The following MED12L variants were observed in gnomAD, a reference collection of about 807,000 sequenced individuals.
MED12L encodes mediator of RNA polymerase II transcription subunit 12-like protein.
Under a neutral mutation model 281.3 loss-of-function variants are expected in MED12L, and 60 were observed. The observed-to-expected ratio is 0.21, with a 90% CI of 0.17 to 0.26. The LOEUF is 0.26. Ranked by LOEUF, MED12L falls within the 10% of genes least tolerant of loss-of-function variation. The pLI is 1.00. For missense variants in MED12L, 2,146 were observed against 2,680.9 expected (o/e 0.80, Z 4.41); for synonymous variants, 974 against 987.2 (o/e 0.99, Z 0.25).
chr3:151,125,339 A>G (rs965807336), intron 4 of MED12L, among the ~76,000 whole-genome samples: 3 of 152,276 alleles, frequency 2.0e-5, no homozygotes, highest in Admixed American at 6.5e-5. Flanking sequence ...GCCAGTTCTC[A>G]TGGGGTTCTG....
chr3:151,188,555 A>G, intron 13 of MED12L, 75 bp downstream of exon 13: 1 of 1,390,722 alleles, frequency 7.2e-7, no homozygotes, highest in Non-Finnish European at 9.8e-7. Context: ...CTTTTTTAAA[A>G]ATTTAGATCT....
At chr3:151,161,216 A>T (rs1719942374) in intron 8 of MED12L, among the ~76,000 whole-genome samples, 1 of 152,168 alleles carries the variant, frequency 6.6e-6, no homozygotes, top group Admixed American at 6.5e-5. Flanking sequence ...ATCAGTTTGG[A>T]AGCATTTCAG....
At chr3:151,128,641 A>G (rs1714902843) in intron 5 of MED12L, among the ~76,000 whole-genome samples, 1 of 152,024 alleles carries the variant, frequency 6.6e-6, no homozygotes, top group South Asian at 2.1e-4. Context: ...CTGTCTCTTC[A>G]TTGCAGCTTT....
Position 151,385,713 on chromosome 3 carries a change from TGG to T in MED12L, c.5088+529_5088+530del, listed in dbSNP as rs76491731. 9.4e-3 allele frequency among the ~76,000 whole-genome samples: 1,118 copies of T among 119,048 alleles called. 12 individuals are homozygous for T. The highest frequency in any genetic ancestry group is 0.024 in the African/African-American group (881 of 36,188). The allele number at this position is 119,048 out of a possible 152,430, so 78.1% of individuals were successfully genotyped here. A position where few individuals can be genotyped will look rare whatever the true frequency, so the allele number is the denominator to read the frequency against. Reference sequence around the variant, plus strand: ...GGGCAACAAAGTGAGACCCTGTCTCTGGGGGGGGAAAAAAAAAAAAAAACCTT... The same window carrying T: ...GGGCAACAAAGTGAGACCCTGTCTCTGGGGGGAAAAAAAAAAAAAAACCTT... On this transcript the variant is annotated intron_variant, in intron 36 of 44. Transcript: ENST00000687756.
At chr3:151,147,003 T>G (rs1717843917) in intron 5 of MED12L, among the ~76,000 whole-genome samples, 1 of 152,232 alleles carries the variant, frequency 6.6e-6, no homozygotes, top group African/African-American at 2.4e-5. Context: ...ATTCCCCATG[T>G]GAACAGTGGC....
intron 16 of MED12L, among the ~76,000 whole-genome samples, chr3:151,236,233 A>T (rs1732764075): frequency 6.6e-6 from 1 of 152,194 alleles, no homozygotes; most frequent in South Asian, 2.1e-4. Context: ...CAAATTAAGG[A>T]TTTCCTTAAC....
chr3:151,113,282 TAGAGA>T (rs1413458410), intron 2 of MED12L, among the ~76,000 whole-genome samples: 1 of 152,084 alleles, frequency 6.6e-6, no homozygotes, highest in Non-Finnish European at 1.5e-5. Context: ...AATCCCTGAT[TAGAGA>T]ATGCTGGGCT....
At position 151,338,173 on chromosome 3, in the gene MED12L, C is replaced by A. The variant is rs767970539; in HGVS notation, c.2251-11886C>A. On this transcript the variant is annotated intron_variant, in intron 16 of 44. Coordinates refer to ENST00000687756, the MANE Select transcript of MED12L (RefSeq NM_001393769.1). ...TTTTTCCTGGGGACTTTACCTACACCCCTCGTTCTTACGTATGACCGGTAC... is the reference window on the plus strand; with the variant it reads ...TTTTTCCTGGGGACTTTACCTACACACCTCGTTCTTACGTATGACCGGTAC... 5 of 1,613,790 alleles carry A rather than the reference C, an allele frequency of 3.1e-6. No individual in the cohort carries two copies. The Admixed American group carries it at 8.3e-5, about 27-fold the overall frequency.
chr3:151,368,636 TTTCATTTC>T (rs1755658326), intron 25 of MED12L, among the ~76,000 whole-genome samples: 16 of 63,070 alleles, frequency 2.5e-4, no homozygotes, highest in African/African-American at 9.2e-4. Context: ...TTTTATTTCA[TTTCATTTC>T]ATTTCATTTC....
At chr3:151,193,687 A>G in intron 16 of MED12L, 21 bp downstream of exon 16, 2 of 1,572,830 alleles carry the variant, frequency 1.3e-6, no homozygotes, top group Non-Finnish European at 1.7e-6. Context: ...GCTTCAGTTA[A>G]TCTATACCCT....
At chr3:151,355,002 A>C in intron 17 of MED12L, 119 bp from the exon 18 acceptor site, 1 of 734,832 alleles carries the variant, frequency 1.4e-6, no homozygotes, top group South Asian at 1.6e-5. Context: ...TTTTATTGAA[A>C]TTCATAGAAT....
chr3:151,112,499 T>C (rs965940013), intron 2 of MED12L, among the ~76,000 whole-genome samples: 1 of 152,138 alleles, frequency 6.6e-6, no homozygotes, highest in African/African-American at 2.4e-5. Context: ...TCTGCCTTTC[T>C]AACAGGCTTG....
At chr3:151,394,361 C>A (rs1714678915) in intron 38 of MED12L, among the ~76,000 whole-genome samples, 1 of 152,192 alleles carries the variant, frequency 6.6e-6, no homozygotes, top group African/African-American at 2.4e-5. Flanking sequence ...TAATTTAAAA[C>A]CCATGTAATT....
chr3:151,330,414 CTG>C (rs1267162698), intron 16 of MED12L, among the ~76,000 whole-genome samples: 2 of 152,130 alleles, frequency 1.3e-5, no homozygotes, highest in African/African-American at 4.8e-5. Flanking sequence ...GGGCCAATAT[CTG>C]TGCATTTTTT....
intron 13 of MED12L, among the ~76,000 whole-genome samples, chr3:151,188,819 C>G (rs1391317541): frequency 6.6e-6 from 1 of 152,170 alleles, no homozygotes; most frequent in Non-Finnish European, 1.5e-5. Context: ...AGTTCCTGCT[C>G]TTAAACATGG....
At chr3:151,169,425 T>G (rs906138612) in intron 11 of MED12L, among the ~76,000 whole-genome samples, 1 of 152,110 alleles carries the variant, frequency 6.6e-6, no homozygotes, top group African/African-American at 2.4e-5. Context: ...CCAGCCCTGT[T>G]TTCTTGACTG....
chr3:151,111,425 A>G (rs187869511), intron 2 of MED12L, among the ~76,000 whole-genome samples: 4 of 152,250 alleles, frequency 2.6e-5, no homozygotes, highest in African/African-American at 7.2e-5. Flanking sequence ...CCGTTTTACA[A>G]TTGAGGAAAC....
intron 11 of MED12L, among the ~76,000 whole-genome samples, chr3:151,179,042 C>G (rs569806372): frequency 3.9e-5 from 6 of 152,120 alleles, no homozygotes; most frequent in Admixed American, 6.6e-5. Flanking sequence ...AAAACCTATT[C>G]TAAAAATGAG....
At position 151,409,737 on chromosome 3, in the gene MED12L, G is replaced by T. The variant is rs142012906; in HGVS notation, c.5910+405G>T. Among the ~76,000 whole-genome samples the T allele has an allele frequency of 3.9e-4, 60 of 152,196 alleles. No homozygotes were observed. The East Asian group carries it at 9.9e-3, about 25-fold the overall frequency. On this transcript the variant is annotated intron_variant, in intron 40 of 44. Coordinates refer to ENST00000687756, the MANE Select transcript of MED12L (RefSeq NM_001393769.1). ...TTTGAGAGGCCAAGGTGAGAGGATT[G>T]CTTCACCCCCAGAATTTGAGACCAG...
Sources: allele counts gnomAD v4.1 joint callset (sites outside exome capture counted in the v4.1 genomes callset), GRCh38; gene constraint gnomAD v4.1.1; transcripts MANE v1.5; gene names NCBI Gene and HGNC (gene_info 2026-07-23, HGNC 2026-07-21).